SRGAP3: variants seen among roughly 807,000 people sequenced by gnomAD.
SRGAP3 encodes the protein SLIT-ROBO Rho GTPase-activating protein 3.
Under a neutral mutation model 121.1 loss-of-function variants are expected in SRGAP3, and 39 were observed. The observed-to-expected ratio is 0.32, with a 90% CI of 0.25 to 0.42. SRGAP3 has a LOEUF of 0.42. Ranked by LOEUF, SRGAP3 falls within the 10% of genes least tolerant of loss-of-function variation. The pLI, the probability that SRGAP3 is intolerant of heterozygous loss-of-function variation, is 1.00. For missense variants in SRGAP3, 1,213 were observed against 1,470.6 expected (o/e 0.82, Z 2.86); for synonymous variants, 601 against 570.0 (o/e 1.05, Z -0.77).
chr3:9,111,095 A>G (rs181763733), intron 2 of SRGAP3, among the ~76,000 whole-genome samples: 3 of 152,346 alleles, frequency 2.0e-5, no homozygotes, highest in Admixed American at 2.0e-4. Context: ...AATATTTTGT[A>G]TAGATCAGAC....
At chr3:9,052,002 G>A (rs1216643854) in intron 9 of SRGAP3, among the ~76,000 whole-genome samples, 4 of 152,120 alleles carry the variant, frequency 2.6e-5, no homozygotes, top group Admixed American at 2.0e-4. Context: ...CGTAAGCCAC[G>A]GTGCCCGGCC....
chr3:9,153,966 C>A (rs1950309994), intron 1 of SRGAP3, among the ~76,000 whole-genome samples: 1 of 152,014 alleles, frequency 6.6e-6, no homozygotes, highest in South Asian at 2.1e-4. Context: ...GATCCAGCTT[C>A]CCCCCACCAC....
At chr3:9,153,927 A>C (rs1241056527) in intron 1 of SRGAP3, among the ~76,000 whole-genome samples, 1 of 152,152 alleles carries the variant, frequency 6.6e-6, no homozygotes, top group East Asian at 1.9e-4. Flanking sequence ...CAGCAAGAAC[A>C]GGGCAGCAGT....
chr3:9,287,940 A>G (rs1430192048), intron 3 of SRGAP3, among the ~76,000 whole-genome samples: 2 of 151,778 alleles, frequency 1.3e-5, no homozygotes, highest in African/African-American at 4.8e-5. Flanking sequence ...TTTTTTTTTA[A>G]TCTATCTTAC....
At chr3:9,089,865 A>G (rs1456254708) in intron 3 of SRGAP3, among the ~76,000 whole-genome samples, 1 of 152,102 alleles carries the variant, frequency 6.6e-6, no homozygotes, top group Non-Finnish European at 1.5e-5. Context: ...CCAATGAAGA[A>G]TCTTCTTTGG....
chr3:9,108,410 G>C (rs1948495231), intron 2 of SRGAP3, among the ~76,000 whole-genome samples: 1 of 152,148 alleles, frequency 6.6e-6, no homozygotes, highest in Non-Finnish European at 1.5e-5. Flanking sequence ...TTGAGTCCAG[G>C]AGTTCAAGAC....
At chr3:9,286,663 C>T (rs1055541394) in intron 3 of SRGAP3, among the ~76,000 whole-genome samples, 11 of 151,406 alleles carry the variant, frequency 7.3e-5, no homozygotes, top group South Asian at 2.1e-4. Flanking sequence ...AGTGCAGTGG[C>T]GCGATCTCGG....
rs765237035 is a variant in SRGAP3 at position 9,260,739 on chromosome 3, G to A, written n.442+65271C>T. ...GGGCGCAGCTTCAACAGACTTAAAC[G>A]TTCCTGCCTGCCAGCTCTGAAGTGA... On this transcript the variant is annotated intron_variant and non_coding_transcript_variant, in intron 3 of 3. Coordinates refer to the SRGAP3 transcript ENST00000490889. 5.9e-5 allele frequency among the ~76,000 whole-genome samples: 9 copies of A among 152,286 alleles called. No homozygotes were observed. The South Asian group carries it at 1.0e-3, about 18-fold the overall frequency.
chr3:9,351,139 T>C (rs899500612), intron 1 of SRGAP3, among the ~76,000 whole-genome samples: 2 of 152,120 alleles, frequency 1.3e-5, no homozygotes, highest in East Asian at 3.9e-4. Context: ...AGACTTGGAA[T>C]TAGCCAGTGA....
At chr3:9,347,156 CTG>C (rs1454654158) in intron 1 of SRGAP3, among the ~76,000 whole-genome samples, 2 of 151,866 alleles carry the variant, frequency 1.3e-5, no homozygotes, top group Non-Finnish European at 2.9e-5. Context: ...CCTCCCAACT[CTG>C]TTGCTTTTTT....
At chr3:9,217,858 C>A (rs1319944962) in intron 1 of SRGAP3, 2 of 152,084 alleles carry the variant, frequency 1.3e-5, no homozygotes, top group Non-Finnish European at 2.9e-5. Flanking sequence ...GGCCCCAGGC[C>A]CCCCAAGCCA....
chr3:8,994,422 C>T lies in SRGAP3; in HGVS notation c.2329G>A (p.Ala777Thr), dbSNP rs372086642. 7.4e-6 allele frequency: 12 copies of T among 1,614,120 alleles called. No individual in the cohort carries two copies. The highest frequency in any genetic ancestry group is 5.3e-5 in the African/African-American group (4 of 74,950). The change falls in exon 19 of 22, where the codon GCC (alanine) becomes ACC (threonine). Residue 777 changes from alanine to threonine, a missense_variant. Physicochemically the swap from Ala to Thr is moderately conservative, Grantham distance 58 (BLOSUM62 0). Coordinates refer to ENST00000383836, the MANE Select transcript of SRGAP3 (RefSeq NM_014850.4). ...KGASLLLYHRASEDWWEGRHN... is the reference protein window; with the variant it reads ...KGASLLLYHRTSEDWWEGRHN... ...CGGCCCTCCCACCAGTCCTCCGAGG[C>T]GCGGTGGTACAGGAGCAGCGAGGCC... is the stretch of plus-strand genomic sequence containing the variant.
intron 1 of SRGAP3, among the ~76,000 whole-genome samples, chr3:9,144,761 C>A (rs573647576): frequency 1.3e-5 from 2 of 152,348 alleles, no homozygotes; most frequent in South Asian, 2.1e-4. Context: ...TCTTCCCAGT[C>A]TCAGGTATGT....
chr3:9,060,178 G>A (rs769645152), intron 6 of SRGAP3, 53 bp downstream of exon 6: 4 of 1,612,998 alleles, frequency 2.5e-6, no homozygotes, highest in South Asian at 1.1e-5. Context: ...CCAGTGACAT[G>A]TGCCAGCCCT....
chr3:9,119,786 CA>C (rs1181791647), intron 2 of SRGAP3, among the ~76,000 whole-genome samples: 1 of 152,236 alleles, frequency 6.6e-6, no homozygotes, highest in Non-Finnish European at 1.5e-5. Context: ...CCTGACACTA[CA>C]TGGAGAGGGA....
chr3:9,122,163 T>C (rs1471640718), intron 2 of SRGAP3, among the ~76,000 whole-genome samples: 1 of 152,230 alleles, frequency 6.6e-6, no homozygotes, highest in African/African-American at 2.4e-5. Context: ...ATTATCTTTG[T>C]TTTTATTCTT....
At chr3:9,036,582 AC>A in intron 11 of SRGAP3, 3 of 138,098 alleles carry the variant, frequency 2.2e-5, no homozygotes, top group African/African-American at 8.2e-5. Context: ...ACAAAACAAA[AC>A]AAAACAAAAC....
At chr3:9,205,168 C>A (rs926657797) in intron 1 of SRGAP3, among the ~76,000 whole-genome samples, 1 of 152,004 alleles carries the variant, frequency 6.6e-6, no homozygotes, top group Non-Finnish European at 1.5e-5. Flanking sequence ...CACAAAGTCA[C>A]AAGTGTAATT....
intron 1 of SRGAP3, among the ~76,000 whole-genome samples, chr3:9,190,602 TG>T (rs1312819868): frequency 6.6e-6 from 1 of 152,228 alleles, no homozygotes; most frequent in African/African-American, 2.4e-5. Flanking sequence ...TGAAGCTACC[TG>T]GGGTTACTCA....
Sources: gnomAD v4.1 joint callset for allele counts (sites outside exome capture counted in the v4.1 genomes callset) on GRCh38, gnomAD v4.1.1 for gene constraint, MANE v1.5 for transcripts, NCBI Gene and HGNC (gene_info 2026-07-23, HGNC 2026-07-21) for gene names.